Variants in CSGALNACT1 observed in about 807,000 individuals in gnomAD.
CSGALNACT1 encodes the protein beta4GalNAcT-1.
In CSGALNACT1, 52 loss-of-function variants were observed where a neutral mutation model predicts 51.0. That is an observed-to-expected ratio of 1.02 (90% CI 0.82 to 1.29). The LOEUF (loss-of-function observed/expected upper bound fraction) is 1.29, where lower values mean the gene tolerates loss of function less well. Ranked by LOEUF, CSGALNACT1 falls within the 50% of genes most tolerant of loss-of-function variation. The pLI is 0.00. For synonymous variants in CSGALNACT1, 341 were observed against 254.4 expected (o/e 1.34, Z -3.24); for missense variants, 935 against 679.2 (o/e 1.38, Z -4.19).
chr8:19,442,555 C>T (rs1394655557), intron 5 of CSGALNACT1, among the ~76,000 whole-genome samples: 1 of 128,452 alleles, frequency 7.8e-6, no homozygotes, highest in Non-Finnish European at 1.6e-5. Flanking sequence ...GAACATCACA[C>T]TCTGGGGACT....
At chr8:19,512,358 A>G (rs550504978) in intron 3 of CSGALNACT1, among the ~76,000 whole-genome samples, 1 of 152,298 alleles carries the variant, frequency 6.6e-6, no homozygotes, top group African/African-American at 2.4e-5. Flanking sequence ...CTTGATTGCA[A>G]CCCTGAACGA....
intron 1 of CSGALNACT1, among the ~76,000 whole-genome samples, chr8:19,719,548 T>C (rs909824704): frequency 6.6e-6 from 1 of 152,218 alleles, no homozygotes; most frequent in Non-Finnish European, 1.5e-5. Flanking sequence ...AGACAATGGA[T>C]GCCAGGAGCT....
intron 1 of CSGALNACT1, among the ~76,000 whole-genome samples, chr8:19,660,933 G>A (rs982220433): frequency 5.9e-5 from 9 of 152,070 alleles, no homozygotes; most frequent in Non-Finnish European, 1.0e-4. Flanking sequence ...TGTTTTTTGA[G>A]GCAGAGTCTT....
At chr8:19,431,576 G>A (rs2059655428) in intron 6 of CSGALNACT1, among the ~76,000 whole-genome samples, 1 of 151,444 alleles carries the variant, frequency 6.6e-6, no homozygotes, top group African/African-American at 2.4e-5. Context: ...CTAGTGTTTT[G>A]TTGAGGGTTT....
chr8:19,450,411 A>C (rs1234835244), intron 5 of CSGALNACT1, among the ~76,000 whole-genome samples: 1 of 152,136 alleles, frequency 6.6e-6, no homozygotes, highest in Non-Finnish European at 1.5e-5. Flanking sequence ...CATTTAAAGC[A>C]AACTTTCCCT....
intron 3 of CSGALNACT1, among the ~76,000 whole-genome samples, chr8:19,556,948 T>C (rs1423152334): frequency 1.4e-5 from 2 of 143,216 alleles, no homozygotes; most frequent in East Asian, 4.1e-4. Context: ...ACCACACCAC[T>C]GCAGATGAGA....
chr8:19,651,915 GT>G lies in CSGALNACT1; in HGVS notation c.-544+30557del, dbSNP rs113483995. On this transcript the variant is annotated intron_variant, in intron 1 of 9. Coordinates refer to the CSGALNACT1 transcript ENST00000332246. ...CCTTTTCTCTACAACCTCGCTGTCT[GT>G]TTTTTTTTGTTTTGTTTTGTTTTGA... is the stretch of plus-strand genomic sequence containing the variant. 5.4e-4 allele frequency among the ~76,000 whole-genome samples: 59 copies of G among 109,624 alleles called. 1 individual carries two copies. The highest frequency in any genetic ancestry group is 1.1e-3 in the Non-Finnish European group (49 of 46,644). The allele number at this position is 109,624 out of a possible 152,430, so 71.9% of individuals were successfully genotyped here.
At chr8:19,545,753 T>C (rs2086315494) in intron 3 of CSGALNACT1, among the ~76,000 whole-genome samples, 1 of 150,754 alleles carries the variant, frequency 6.6e-6, no homozygotes, top group Admixed American at 6.6e-5. Flanking sequence ...TAATGAGACC[T>C]GCTGAGAAAA....
chr8:19,580,285 A>T (rs1345708232), intron 3 of CSGALNACT1, among the ~76,000 whole-genome samples: 1 of 152,248 alleles, frequency 6.6e-6, no homozygotes, highest in Non-Finnish European at 1.5e-5. Context: ...CAAAGCTGTG[A>T]GTTGTAAAAG....
At chr8:19,662,377 G>A (rs937837994) in intron 1 of CSGALNACT1, among the ~76,000 whole-genome samples, 4 of 151,966 alleles carry the variant, frequency 2.6e-5, no homozygotes, top group African/African-American at 9.7e-5. Flanking sequence ...AAAGATTCTT[G>A]CCTCTAAAAA....
At chr8:19,751,343 C>T (rs1306941511) in intron 1 of CSGALNACT1, among the ~76,000 whole-genome samples, 1 of 152,138 alleles carries the variant, frequency 6.6e-6, no homozygotes, top group Non-Finnish European at 1.5e-5. Flanking sequence ...AACTCACATA[C>T]CACACTAAGC....
chr8:19,632,102 T>C (rs1222106043), intron 1 of CSGALNACT1, among the ~76,000 whole-genome samples: 1 of 152,246 alleles, frequency 6.6e-6, no homozygotes, highest in Non-Finnish European at 1.5e-5. Flanking sequence ...GCTCATTAAC[T>C]CTACAAAGGT....
upstream of CSGALNACT1, among the ~76,000 whole-genome samples, chr8:19,686,082 G>C (rs1261332428): frequency 6.6e-6 from 1 of 152,194 alleles, no homozygotes; most frequent in African/African-American, 2.4e-5. Context: ...GCACAGTCAA[G>C]GGCACAGTTA....
intron 3 of CSGALNACT1, among the ~76,000 whole-genome samples, chr8:19,573,656 C>G (rs896010612): frequency 1.3e-5 from 2 of 152,244 alleles, no homozygotes; most frequent in African/African-American, 4.8e-5. Context: ...GTTGGCCAGG[C>G]TGGTCTCGAA....
intron 3 of CSGALNACT1, among the ~76,000 whole-genome samples, chr8:19,529,180 T>C (rs1204525587): frequency 2.0e-5 from 3 of 152,064 alleles, no homozygotes; most frequent in Non-Finnish European, 1.5e-5. Flanking sequence ...AAAAGCTTTT[T>C]TGGTGAGTTG....
chr8:19,639,214 A>G (rs2056454689), intron 1 of CSGALNACT1, among the ~76,000 whole-genome samples: 1 of 152,214 alleles, frequency 6.6e-6, no homozygotes, highest in South Asian at 2.1e-4. Flanking sequence ...AGAACAATCA[A>G]CAATAACAGG....
rs372827084 is a variant in CSGALNACT1 at position 19,497,968 on chromosome 8, C to T, written c.634+7233G>A. On this transcript the variant is annotated intron_variant, in intron 4 of 9. Transcript: ENST00000454498. Reference sequence around the variant, plus strand: ...TTTGAGTTGTCCTGTCTTTCCAGACCGAACCAATGTTCATCCTACATATGT... The same window carrying T: ...TTTGAGTTGTCCTGTCTTTCCAGACTGAACCAATGTTCATCCTACATATGT... 5.3e-5 allele frequency among the ~76,000 whole-genome samples: 8 copies of T among 152,236 alleles called. No homozygotes were observed. The South Asian group carries it at 1.0e-3, about 20-fold the overall frequency.
intron 9 of CSGALNACT1, among the ~76,000 whole-genome samples, chr8:19,406,351 A>G (rs1462743654): frequency 1.3e-5 from 2 of 152,022 alleles, no homozygotes; most frequent in Non-Finnish European, 2.9e-5. Context: ...AATGCTAATG[A>G]ACAGCCCCAG....
intron 1 of CSGALNACT1, among the ~76,000 whole-genome samples, chr8:19,610,896 GC>G (rs1403146836): frequency 6.6e-6 from 1 of 152,212 alleles, no homozygotes; most frequent in Admixed American, 6.5e-5. Flanking sequence ...AACTAAAAGA[GC>G]ACATGGTAGC....
Sources: allele counts gnomAD v4.1 joint callset (sites outside exome capture counted in the v4.1 genomes callset), GRCh38; gene constraint gnomAD v4.1.1; transcripts MANE v1.5; gene names NCBI Gene and HGNC (gene_info 2026-07-23, HGNC 2026-07-21).